Variants in COX7B2 observed in about 807,000 individuals in gnomAD.
COX7B2 encodes cytochrome c oxidase subunit 7B2, mitochondrial.
For synonymous variants in COX7B2, 37 were observed against 32.1 expected (o/e 1.15, Z -0.51); for missense variants, 109 against 95.9 (o/e 1.14, Z -0.57).
chr4:46,735,682 C>T (rs2109383937), intron 2 of COX7B2, among the ~76,000 whole-genome samples: 1 of 152,188 alleles, frequency 6.6e-6, no homozygotes, highest in East Asian at 1.9e-4. Flanking sequence ...ACTTACCTTC[C>T]CCCTCCTACA....
chr4:46,808,340 G>C (rs1281235313), intron 2 of COX7B2, among the ~76,000 whole-genome samples: 3 of 151,488 alleles, frequency 2.0e-5, no homozygotes, highest in Non-Finnish European at 3.0e-5. Flanking sequence ...TTTCAGTTGT[G>C]TATATAAATG....
intron 1 of COX7B2, among the ~76,000 whole-genome samples, chr4:46,845,500 G>A (rs1208606949): frequency 4.6e-5 from 7 of 151,872 alleles, no homozygotes; most frequent in Non-Finnish European, 1.0e-4. Flanking sequence ...GTGGTTGAAA[G>A]GAATATATTT....
chr4:46,813,468 G>T (rs1719388724), intron 2 of COX7B2, among the ~76,000 whole-genome samples: 1 of 152,122 alleles, frequency 6.6e-6, no homozygotes, highest in African/African-American at 2.4e-5. Context: ...AAAAGTTTCT[G>T]CACAGCAAAA....
At chr4:46,853,988 A>C (rs914244309) in intron 1 of COX7B2, among the ~76,000 whole-genome samples, 1 of 152,168 alleles carries the variant, frequency 6.6e-6, no homozygotes, top group Non-Finnish European at 1.5e-5. Context: ...ATTCAAGTGA[A>C]GGTTAACTCT....
In COX7B2 at chr4:46,735,029, A is replaced by T. The variant is rs769880381; in HGVS notation, c.164T>A (p.Val55Glu). 1 of 1,614,016 alleles carries T rather than the reference A, an allele frequency of 6.2e-7. No individual in the cohort carries two copies. Among genetic ancestry groups the T allele is most frequent in the South Asian group, 1.1e-5 (1 of 91,070 alleles). ...TATTCCAATCTGAGTGGCTGTAAACACCCATGTAGCAACACAGAAAGCAGT... is the reference window on the plus strand; with the variant it reads ...TATTCCAATCTGAGTGGCTGTAAACTCCCATGTAGCAACACAGAAAGCAGT... ...SGTAFCVATWVFTATQIGIEW... is the reference protein window; with the variant it reads ...SGTAFCVATWEFTATQIGIEW... Residue 55 changes from valine (V) to glutamate (E), a missense_variant, in exon 3 of 3, where the codon GTG (valine) becomes GAG (glutamate). Physicochemically the swap from Val to Glu is moderately radical, Grantham distance 121. Coordinates refer to ENST00000355591, the MANE Select transcript of COX7B2 (RefSeq NM_130902.3).
chr4:46,794,601 G>C (rs988875187), intron 2 of COX7B2, among the ~76,000 whole-genome samples: 9 of 152,020 alleles, frequency 5.9e-5, no homozygotes, highest in Non-Finnish European at 1.2e-4. Flanking sequence ...TCTGTAGTGG[G>C]AACTACAGAA....
At chr4:46,825,945 G>A (rs908026282) in intron 2 of COX7B2, among the ~76,000 whole-genome samples, 1 of 151,946 alleles carries the variant, frequency 6.6e-6, no homozygotes, top group African/African-American at 2.4e-5. Context: ...AACCTAGGTA[G>A]TACCATCCTG....
chr4:46,902,343 C>T (rs1002313164), intron 1 of COX7B2, among the ~76,000 whole-genome samples: 2 of 152,206 alleles, frequency 1.3e-5, no homozygotes, highest in African/African-American at 4.8e-5. Context: ...TAACAGTGGA[C>T]CTTCCACATA....
At chr4:46,830,201 G>A (rs1237955055) in intron 2 of COX7B2, among the ~76,000 whole-genome samples, 1 of 151,730 alleles carries the variant, frequency 6.6e-6, no homozygotes, top group East Asian at 1.9e-4. Flanking sequence ...GTGTGTGCCT[G>A]TAATCCCAGC....
In COX7B2 at chr4:46,844,908, T is replaced by G. The variant is rs543538782; in HGVS notation, c.-50+52A>C. 3.3e-5 allele frequency: 5 copies of G among 152,108 alleles called. No individual in the cohort carries two copies. The South Asian group carries it at 1.0e-3, about 32-fold the overall frequency. 9.4% of individuals were successfully genotyped at this position (152,108 alleles called of 1,614,324 possible). On this transcript the variant is annotated intron_variant, in intron 2 of 2. Transcript: ENST00000355591. ...TCCTACCAGAACTTTAACTTTTACT[T>G]TGTGAAAGTGTAATGTAGGTAGTGT...
chr4:46,895,849 A>T (rs929639778), intron 1 of COX7B2, among the ~76,000 whole-genome samples: 11 of 152,188 alleles, frequency 7.2e-5, no homozygotes, highest in African/African-American at 2.7e-4. Flanking sequence ...TAACTTCGCT[A>T]GAAAATAATT....
At chr4:46,900,368 G>A (rs2109893607) in intron 1 of COX7B2, among the ~76,000 whole-genome samples, 1 of 152,200 alleles carries the variant, frequency 6.6e-6, no homozygotes, top group African/African-American at 2.4e-5. Context: ...GTGGACAGCT[G>A]CCTCCTTGCC....
intron 2 of COX7B2, among the ~76,000 whole-genome samples, chr4:46,824,124 C>T (rs1714503255): frequency 1.3e-5 from 2 of 152,036 alleles, no homozygotes; most frequent in Non-Finnish European, 2.9e-5. Flanking sequence ...TAGTAAGAAA[C>T]TGAATCCCTG....
chr4:46,805,142 G>GC (rs1560392589), intron 2 of COX7B2, among the ~76,000 whole-genome samples: 158 of 152,194 alleles, frequency 1.0e-3, no homozygotes, highest in African/African-American at 3.6e-3. Context: ...TCCAAGCACC[G>GC]GGCAGCCCCA....
intron 2 of COX7B2, among the ~76,000 whole-genome samples, chr4:46,844,579 A>G (rs1389055139): frequency 1.3e-5 from 2 of 151,986 alleles, no homozygotes; most frequent in African/African-American, 4.8e-5. Flanking sequence ...CAGCTGTCCA[A>G]ATGAAAGATT....
intron 1 of COX7B2, among the ~76,000 whole-genome samples, chr4:46,867,895 G>T (rs908718681): frequency 1.3e-5 from 2 of 152,216 alleles, no homozygotes; most frequent in African/African-American, 2.4e-5. Flanking sequence ...TTCACAGAAA[G>T]AGTTGGGGAG....
intron 2 of COX7B2, among the ~76,000 whole-genome samples, chr4:46,802,657 T>G (rs1440048910): frequency 6.6e-6 from 1 of 152,172 alleles, no homozygotes. Flanking sequence ...GAATCAGCTC[T>G]CCAAAGGTTA....
At chr4:46,866,328 G>A (rs1010332472) in intron 1 of COX7B2, among the ~76,000 whole-genome samples, 3 of 152,122 alleles carry the variant, frequency 2.0e-5, no homozygotes, top group Non-Finnish European at 4.4e-5. Flanking sequence ...ACCACATATG[G>A]CCTCTATTTG....
At chr4:46,798,134 T>C (rs547589141) in intron 2 of COX7B2, among the ~76,000 whole-genome samples, 7 of 152,282 alleles carry the variant, frequency 4.6e-5, no homozygotes, top group African/African-American at 1.7e-4. Context: ...TATCACACGT[T>C]GAGAAATAAA....
Sources: gnomAD v4.1 joint callset for allele counts (sites outside exome capture counted in the v4.1 genomes callset) on GRCh38, gnomAD v4.1.1 for gene constraint, MANE v1.5 for transcripts, NCBI Gene and HGNC (gene_info 2026-07-23, HGNC 2026-07-21) for gene names.